SPMIP4: variants seen among roughly 807,000 people sequenced by gnomAD.
SPMIP4 encodes sperm-associated microtubule inner protein 4.
chr7:25,130,888 C>T, the SPMIP4 span, among the ~76,000 whole-genome samples: 1 of 152,214 alleles, frequency 6.6e-6, no homozygotes, highest in East Asian at 1.9e-4. Flanking sequence ...TGACTTTCAT[C>T]ATTTTTGCAA....
chr7:25,179,097 G>A, the SPMIP4 span: 1 of 1,407,516 alleles, frequency 7.1e-7, no homozygotes, highest in Non-Finnish European at 9.6e-7. Flanking sequence ...AACAATAAAT[G>A]TTTTTCCTCA....
At chr7:25,129,461 C>T in the SPMIP4 span, among the ~76,000 whole-genome samples, 12 of 152,256 alleles carry the variant, frequency 7.9e-5, no homozygotes, top group East Asian at 1.5e-3. Context: ...CTGTCCCTTC[C>T]GCAAGCACAC....
At chr7:25,174,725 G>A in the SPMIP4 span, among the ~76,000 whole-genome samples, 1 of 152,152 alleles carries the variant, frequency 6.6e-6, no homozygotes, top group African/African-American at 2.4e-5. This position sits in a 1 kb window ranked among gnomAD's most constrained non-coding sequence, Gnocchi z 4.5. Context: ...GGATATGTTT[G>A]TTTGCCCTGT....
the SPMIP4 span, chr7:25,142,206 C>A: frequency 6.6e-7 from 1 of 1,510,306 alleles, no homozygotes; most frequent in Non-Finnish European, 9.2e-7. Context: ...AGCACTCTCC[C>A]CCAAAATAAC....
At chr7:25,150,814 A>T in the SPMIP4 span, among the ~76,000 whole-genome samples, 1 of 152,234 alleles carries the variant, frequency 6.6e-6, no homozygotes, top group African/African-American at 2.4e-5. Context: ...TGCTAACCTT[A>T]GGAGGTTATT....
At chr7:25,156,879 G>C in the SPMIP4 span, among the ~76,000 whole-genome samples, 2 of 152,044 alleles carry the variant, frequency 1.3e-5, no homozygotes, top group African/African-American at 4.8e-5. Context: ...AGTAGAGATG[G>C]GGTTTCACCA....
chr7:25,167,109 T>G, the SPMIP4 span, among the ~76,000 whole-genome samples: 2 of 152,238 alleles, frequency 1.3e-5, no homozygotes, highest in African/African-American at 4.8e-5. Context: ...TTTTTAATAA[T>G]TAAATTTTGG....
chr7:25,151,798 C>T, the SPMIP4 span: 1 of 577,546 alleles, frequency 1.7e-6, no homozygotes, highest in Non-Finnish European at 3.0e-6. Flanking sequence ...TACATTTTAC[C>T]TATGTAGTTA....
At chr7:25,151,415 G>T in the SPMIP4 span, among the ~76,000 whole-genome samples, 145 of 152,024 alleles carry the variant, frequency 9.5e-4, 1 homozygote, top group African/African-American at 3.3e-3. Flanking sequence ...TAGAGACAGG[G>T]TTTCACCATG....
chr7:25,179,122 C>G, the SPMIP4 span: 4 of 1,527,728 alleles, frequency 2.6e-6, no homozygotes, highest in Admixed American at 7.9e-5. Context: ...ATAAAATACA[C>G]GAATACATTA....
chr7:25,154,952 T>C, the SPMIP4 span: 15 of 1,492,566 alleles, frequency 1.0e-5, no homozygotes, highest in South Asian at 2.4e-5. Context: ...TTAATTTTAT[T>C]ATTGAAGAAA....
the SPMIP4 span, chr7:25,142,584 T>G: frequency 1.4e-6 from 2 of 1,428,548 alleles, no homozygotes. Context: ...GTCATAGCAT[T>G]TGTTAAATAT....
the SPMIP4 span, among the ~76,000 whole-genome samples, chr7:25,170,151 A>T: frequency 6.6e-6 from 1 of 151,992 alleles, no homozygotes; most frequent in African/African-American, 2.4e-5. Flanking sequence ...TTACATTCCT[A>T]CCAACATTGT....
the SPMIP4 span, among the ~76,000 whole-genome samples, chr7:25,141,627 C>T: frequency 1.4e-5 from 2 of 144,166 alleles, no homozygotes; most frequent in South Asian, 4.8e-4. Flanking sequence ...CTAGGAATCT[C>T]ATTAAATCAC....
chr7:25,157,391 G>C, the SPMIP4 span, among the ~76,000 whole-genome samples: 2 of 152,228 alleles, frequency 1.3e-5, no homozygotes, highest in Non-Finnish European at 2.9e-5. Flanking sequence ...TTCTTCTAGA[G>C]TGCAGTGTGG....
At chr7:25,126,535 A>C in the SPMIP4 span, among the ~76,000 whole-genome samples, 1 of 152,236 alleles carries the variant, frequency 6.6e-6, no homozygotes, top group Non-Finnish European at 1.5e-5. Context: ...TTGATTGCAT[A>C]AACAAAAATC....
chr7:25,172,750 C>T, the SPMIP4 span, among the ~76,000 whole-genome samples: 1 of 152,088 alleles, frequency 6.6e-6, no homozygotes, highest in Non-Finnish European at 1.5e-5. This position sits in a 1 kb window ranked among gnomAD's most constrained non-coding sequence, Gnocchi z 4.2. Context: ...TCTGAGATCT[C>T]AGTAGAACTT....
At chr7:25,161,022 T>C in the SPMIP4 span, among the ~76,000 whole-genome samples, 1 of 152,210 alleles carries the variant, frequency 6.6e-6, no homozygotes, top group Non-Finnish European at 1.5e-5. Context: ...TGTTATTTAT[T>C]TGCTTTTGTT....
chr7:25,173,010 C>A, the SPMIP4 span, among the ~76,000 whole-genome samples: 4 of 95,028 alleles, frequency 4.2e-5, no homozygotes, highest in Non-Finnish European at 8.2e-5. The surrounding 1 kb of genome is among the most constrained non-coding windows in gnomAD (Gnocchi z 4.4). Context: ...GGGAGGAGGG[C>A]GAGAGAAGGA....
Sources: allele counts gnomAD v4.1 joint callset (sites outside exome capture counted in the v4.1 genomes callset), GRCh38; gene constraint gnomAD v4.1.1; non-coding constraint Gnocchi (gnomAD v3.1); transcripts MANE v1.5; gene names NCBI Gene and HGNC (gene_info 2026-07-23, HGNC 2026-07-21).